Variants in STIL observed in about 807,000 individuals in gnomAD.
STIL encodes the protein STIL centriolar assembly protein.
In STIL, 55 loss-of-function variants were observed where a neutral mutation model predicts 110.1. The observed-to-expected ratio is 0.50, with a 90% CI of 0.40 to 0.63. The LOEUF (loss-of-function observed/expected upper bound fraction) is 0.63, where lower values mean the gene tolerates loss of function less well. Among genes scored for constraint, STIL ranks in the 20% least tolerant of loss-of-function variants. STIL has a pLI of 0.00. For synonymous variants in STIL, 481 were observed against 530.0 expected (o/e 0.91, Z 1.27); for missense variants, 1,358 against 1,530.0 (o/e 0.89, Z 1.87).
In STIL at chr1:47,301,587, C is replaced by T; in HGVS notation, c.427G>A (p.Val143Ile). The T allele has an allele frequency of 1.9e-6, 3 of 1,613,860 alleles. No homozygotes were observed. ...TTTAAAGCTGAACTGAAGTCATCTACACTGTGAACTATCATTTCTCTTGAA... is the reference window on the plus strand; with the variant it reads ...TTTAAAGCTGAACTGAAGTCATCTATACTGTGAACTATCATTTCTCTTGAA... ...LCSREMIVHS[V>I]DDFSSALKAL... is the part of the protein sequence containing the mutation. Residue 143 changes from valine to isoleucine, a missense_variant, in exon 5 of 17, where the codon GTA becomes ATA. By Grantham distance (29) the Val-to-Ile change is conservative. Coordinates refer to ENST00000371877, the MANE Select transcript of STIL (RefSeq NM_001048166.1).
Position 47,289,955 on chromosome 1 carries a change from A to AC in STIL, c.873-371_873-370insG, listed in dbSNP as rs1222814234. ...TCCGTCTCCAAAAAAAAAAAAAAAA[A>AC]AAAGGAATAAGAGAGCAATTCAAAA... On this transcript the variant is annotated intron_variant, in intron 8 of 16. Coordinates refer to ENST00000371877, the MANE Select transcript of STIL (RefSeq NM_001048166.1). 7.9e-4 allele frequency among the ~76,000 whole-genome samples: 119 copies of AC among 149,930 alleles called. 2 individuals are homozygous for AC. The highest frequency in any genetic ancestry group is 2.1e-3 in the South Asian group (10 of 4,766).
At chr1:47,274,219 TACAC>T (rs2148896804) in intron 12 of STIL, among the ~76,000 whole-genome samples, 1 of 152,312 alleles carries the variant, frequency 6.6e-6, no homozygotes, top group South Asian at 2.1e-4. Context: ...TAAAAGACAT[TACAC>T]ACACTCAGGT....
rs1645552748 is a variant in STIL at position 47,293,470 on chromosome 1, G to C, written c.860C>G (p.Ser287Cys). Residue 287 changes from serine (S) to cysteine (C), a missense_variant, in exon 8 of 17, where the codon TCT (serine) becomes TGT (cysteine). Coordinates refer to ENST00000371877, the MANE Select transcript of STIL (RefSeq NM_001048166.1). ...ACCLRYIFNS[S>C]VQERVFSESG... Reference sequence around the variant, plus strand: ...AAATATCACTTGCCTTTCTTGAACAGAAGAATTGAATATGTATCGCAAACA... The same window carrying C: ...AAATATCACTTGCCTTTCTTGAACACAAGAATTGAATATGTATCGCAAACA... 6.2e-7 allele frequency: 1 copy of C among 1,612,828 alleles called. No homozygotes were observed. Among genetic ancestry groups the C allele is most frequent in the Non-Finnish European group, 8.5e-7 (1 of 1,179,154 alleles).
At chr1:47,307,512 C>T (rs1001958856) in intron 2 of STIL, among the ~76,000 whole-genome samples, 1 of 152,094 alleles carries the variant, frequency 6.6e-6, no homozygotes, top group African/African-American at 2.4e-5. Context: ...CCAATCAATA[C>T]CCTTGTGATT....
chr1:47,272,377 A>C (rs1487360812), intron 12 of STIL, 136 bp from the exon 13 acceptor site: 1 of 841,376 alleles, frequency 1.2e-6, no homozygotes, highest in East Asian at 2.6e-5. Flanking sequence ...TTTCAACTAG[A>C]CCATACCATG....
At chr1:47,261,788 T>G (rs1644494165) in intron 15 of STIL, among the ~76,000 whole-genome samples, 1 of 151,300 alleles carries the variant, frequency 6.6e-6, no homozygotes, top group Admixed American at 6.6e-5. Context: ...GGCAGGTGCC[T>G]GTAGTCCCAG....
At position 47,282,626 on chromosome 1, in the gene STIL, A is replaced by G. The variant is rs374645508; in HGVS notation, c.1134-167T>C. 3.9e-5 allele frequency: 23 copies of G among 590,676 alleles called. No homozygotes were observed. In the African/African-American group the frequency reaches 4.1e-4, roughly 11 times the overall value. 36.6% of individuals were successfully genotyped at this position (590,676 alleles called of 1,614,324 possible). A position where few individuals can be genotyped will look rare whatever the true frequency, so the allele number is the denominator to read the frequency against. On this transcript the variant is annotated intron_variant, in intron 10 of 16. Transcript: ENST00000371877. ...TTTTTCAGGCCAGTGTTAGTTGACC[A>G]GGGAAGCTGGACCAGCCAGCCTTAA...
At chr1:47,292,286 AAAAGG>A (rs1176586960) in intron 8 of STIL, among the ~76,000 whole-genome samples, 7 of 152,274 alleles carry the variant, frequency 4.6e-5, no homozygotes, top group African/African-American at 1.7e-4. Flanking sequence ...CAGGTAGAGA[AAAAGG>A]CACTCTCGTG....
Position 47,293,529 on chromosome 1 carries a change from A to T in STIL, c.801T>A (p.Ile267=). The T allele has an allele frequency of 6.2e-7, 1 of 1,612,948 alleles. No individual in the cohort carries two copies. The highest frequency in any genetic ancestry group is 8.5e-7 in the Non-Finnish European group (1 of 1,179,234). The change falls in exon 8 of 17, where the codon ATT becomes ATA. Residue 267 remains isoleucine, a synonymous_variant. Coordinates refer to ENST00000371877, the MANE Select transcript of STIL (RefSeq NM_001048166.1). ...ATACCTGAGGACTATAGATATGTGT[A>T]ATTCCAGACAGCCAACTAAAAGAAA... ...LPLVGIWLSG[I]THIYSPQVWA...
At chr1:47,289,159 T>C (rs1389436490) in intron 9 of STIL, among the ~76,000 whole-genome samples, 1 of 151,012 alleles carries the variant, frequency 6.6e-6, no homozygotes, top group Non-Finnish European at 1.5e-5. Flanking sequence ...TATGAACAAC[T>C]GATATATTCT....
chr1:47,269,555 A>C (rs1644757477), intron 14 of STIL, 80 bp downstream of exon 14: 2 of 1,030,720 alleles, frequency 1.9e-6, no homozygotes, highest in African/African-American at 1.6e-5. Context: ...GTGCCCCACA[A>C]ATATATACAA....
chr1:47,251,495 C>G lies in STIL; in HGVS notation c.3508G>C (p.Glu1170Gln), dbSNP rs1281967200. The change falls in exon 17 of 17, where the codon GAG becomes CAG. Residue 1170 changes from glutamate (E) to glutamine (Q), a missense_variant. Glu to Gln is a conservative substitution (Grantham distance 29). Transcript: ENST00000371877. ...SIPEQLGGQK[E>Q]PSKNDHEIIN... is the part of the protein sequence containing the mutation. The stretch of plus-strand genomic sequence containing the variant: ...ATTTCATGGTCATTCTTAGAAGGCT[C>G]TTTCTGACCACCAAGCTGTTCAGGT... 1.2e-6 allele frequency: 2 copies of G among 1,614,110 alleles called. No individual in the cohort carries two copies. The highest frequency in any genetic ancestry group is 2.7e-5 in the African/African-American group (2 of 74,934).
Position 47,251,687 on chromosome 1 carries a change from C to T in STIL, c.3316G>A (p.Val1106Met), listed in dbSNP as rs997313040. Residue 1106 changes from valine to methionine, a missense_variant, in exon 17 of 17, where the codon GTG (valine) becomes ATG (methionine). By Grantham distance (21) the Val-to-Met change is conservative. Transcript: ENST00000371877. ...LLHINTDRST[V>M]GLSLISPNNM... ...TTTGGTGAAATTAAACTAAGCCCCACTGTGCTTCTGTCTGTATTAATATGG... is the reference window on the plus strand; with the variant it reads ...TTTGGTGAAATTAAACTAAGCCCCATTGTGCTTCTGTCTGTATTAATATGG... 8.1e-6 allele frequency: 13 copies of T among 1,614,108 alleles called. No individual in the cohort carries two copies. Among genetic ancestry groups the T allele is most frequent in the African/African-American group, 1.3e-5 (1 of 74,940 alleles).
intron 1 of STIL, among the ~76,000 whole-genome samples, chr1:47,311,340 A>G (rs1460696486): frequency 6.8e-6 from 1 of 146,258 alleles, no homozygotes; most frequent in African/African-American, 2.6e-5. Context: ...GAAGTAGTAC[A>G]GTGGTGCAAT....
At chr1:47,258,225 C>T (rs1644378763) in intron 16 of STIL, among the ~76,000 whole-genome samples, 1 of 152,284 alleles carries the variant, frequency 6.6e-6, no homozygotes, top group Non-Finnish European at 1.5e-5. Flanking sequence ...CTCAAAAATG[C>T]TAGCCTCACT....
chr1:47,287,591 C>CT lies in STIL; in HGVS notation c.1092dup (p.Glu365ArgfsTer5), dbSNP rs767408811. On this transcript the variant is annotated frameshift_variant, in exon 10 of 17. Transcript: ENST00000371877. LOFTEE classifies it high-confidence loss of function. The stretch of plus-strand genomic sequence containing the variant: ...TTCTTGGAAGCCTTACTGAAAAACT[C>CT]TGTTTCTGCATTTTGGCTTTCAGCG... 20 of 1,612,230 alleles carry CT rather than the reference C, an allele frequency of 1.2e-5. No homozygotes were observed. Among genetic ancestry groups the CT allele is most frequent in the Non-Finnish European group, 1.6e-5 (19 of 1,179,184 alleles).
chr1:47,280,979 G>A lies in STIL; in HGVS notation c.1479C>T (p.Asn493=), dbSNP rs1243541098. ...GTCTCAAAAGAGCTGGTTTATCCTG[G>A]TTTAACTGATTTGGTATTCCTCTCA... ...PSLRGIPNQL[N]QDKPALLRHC... The change falls in exon 12 of 17, where the codon AAC becomes AAT. Residue 493 remains asparagine (N), a synonymous_variant. Coordinates refer to ENST00000371877, the MANE Select transcript of STIL (RefSeq NM_001048166.1). 1 of 1,614,036 alleles carries A rather than the reference G, an allele frequency of 6.2e-7. No individual in the cohort carries two copies. Among genetic ancestry groups the A allele is most frequent in the East Asian group, 2.2e-5 (1 of 44,874 alleles).
chr1:47,306,055 A>C (rs1464020401), intron 2 of STIL, among the ~76,000 whole-genome samples: 1 of 152,036 alleles, frequency 6.6e-6, no homozygotes, highest in Non-Finnish European at 1.5e-5. Flanking sequence ...TAAAAAAGAA[A>C]ATTCACTTGT....
At chr1:47,310,695 A>C (rs1646097536) in intron 1 of STIL, among the ~76,000 whole-genome samples, 1 of 152,192 alleles carries the variant, frequency 6.6e-6, no homozygotes, top group South Asian at 2.1e-4. Context: ...TTTGACCAAA[A>C]ACCTTACAAC....
Sources: allele counts gnomAD v4.1 joint callset (sites outside exome capture counted in the v4.1 genomes callset), GRCh38; gene constraint gnomAD v4.1.1; transcripts MANE v1.5; gene names NCBI Gene and HGNC (gene_info 2026-07-23, HGNC 2026-07-21).